Variants in EPS15L1 observed in about 807,000 individuals in gnomAD.
EPS15L1 encodes the protein epidermal growth factor receptor substrate 15-like 1.
In EPS15L1, 43 loss-of-function variants were observed where a neutral mutation model predicts 117.1. The ratio of observed to expected loss-of-function variants is 0.37; its 90% CI spans 0.29 to 0.47. The LOEUF (loss-of-function observed/expected upper bound fraction) is 0.47. Ranked by LOEUF, EPS15L1 falls within the 20% of genes least tolerant of loss-of-function variation. EPS15L1 has a pLI of 0.99. For missense variants in EPS15L1, 981 were observed against 1,164.0 expected (o/e 0.84, Z 2.29); for synonymous variants, 459 against 470.5 (o/e 0.98, Z 0.32).
At chr19:16,390,687 T>C (rs1166246662) in intron 19 of EPS15L1, among the ~76,000 whole-genome samples, 1 of 152,148 alleles carries the variant, frequency 6.6e-6, no homozygotes. Context: ...AATAGTATTA[T>C]AATATACCTA....
intron 21 of EPS15L1, 134 bp from the exon 22 acceptor site, chr19:16,377,388 G>A: frequency 1.1e-6 from 1 of 951,888 alleles, no homozygotes; most frequent in East Asian, 2.7e-5. Context: ...ACATGGCCCT[G>A]CTTGGACGTG....
At chr19:16,406,109 G>T (rs1036146407) in intron 13 of EPS15L1, among the ~76,000 whole-genome samples, 2 of 152,162 alleles carry the variant, frequency 1.3e-5, no homozygotes, top group Admixed American at 6.5e-5. Context: ...AGCCTGGGCT[G>T]CTGGGGTGGC....
chr19:16,385,788 T>C (rs1186038131), intron 20 of EPS15L1, among the ~76,000 whole-genome samples: 1 of 152,216 alleles, frequency 6.6e-6, no homozygotes. Context: ...CACTGTGAGA[T>C]GAGGTTCCTT....
chr19:16,417,460 A>G lies in EPS15L1; in HGVS notation c.1193+92T>C, dbSNP rs570099356. 3.6e-6 allele frequency: 4 copies of G among 1,119,184 alleles called. No individual in the cohort carries two copies. The South Asian group carries it at 5.2e-5, about 14-fold the overall frequency. The allele number at this position is 1,119,184 out of a possible 1,614,324, so 69.3% of individuals were successfully genotyped here. The stretch of plus-strand genomic sequence containing the variant: ...CTTCTGAATAAACCTGTGATGAGCA[A>G]ACTTCCAGGTGAGCCTCTGATATTT... On this transcript the variant is annotated intron_variant, in intron 12 of 23. Coordinates refer to ENST00000455140, the MANE Select transcript of EPS15L1 (RefSeq NM_001258374.3).
chr19:16,412,039 A>G (rs2092710954), intron 13 of EPS15L1, among the ~76,000 whole-genome samples: 1 of 152,226 alleles, frequency 6.6e-6, no homozygotes, highest in Non-Finnish European at 1.5e-5. Flanking sequence ...TATAATACCT[A>G]ATATAATGTA....
At chr19:16,469,007 G>A (rs1449938353) in intron 1 of EPS15L1, among the ~76,000 whole-genome samples, 10 of 152,102 alleles carry the variant, frequency 6.6e-5, no homozygotes, top group Admixed American at 2.0e-4. Flanking sequence ...GGGACAGAGC[G>A]AGACCCTGTC....
chr19:16,372,657 G>A (rs1370222738), intron 22 of EPS15L1, among the ~76,000 whole-genome samples: 1 of 152,218 alleles, frequency 6.6e-6, no homozygotes, highest in African/African-American at 2.4e-5. Context: ...GTGCCCATAT[G>A]GCAGAAGCCT....
chr19:16,437,868 G>A lies in EPS15L1; in HGVS notation c.214-3C>T, dbSNP rs2092992925. 6.2e-7 allele frequency: 1 copy of A among 1,612,474 alleles called. No homozygotes were observed. Among genetic ancestry groups the A allele is most frequent in the South Asian group, 1.1e-5 (1 of 91,044 alleles). ...AGTCTCAGTGCAACATAGAAACCCTGCAAGTCCAAAGAAAGGGAAGGAGTA... is the reference window on the plus strand; with the variant it reads ...AGTCTCAGTGCAACATAGAAACCCTACAAGTCCAAAGAAAGGGAAGGAGTA... On this transcript the variant is annotated splice_polypyrimidine_tract_variant and splice_region_variant and intron_variant, in intron 4 of 23. Coordinates refer to ENST00000455140, the MANE Select transcript of EPS15L1 (RefSeq NM_001258374.3).
At chr19:16,372,970 A>C (rs2092245585) in intron 22 of EPS15L1, among the ~76,000 whole-genome samples, 11 of 152,188 alleles carry the variant, frequency 7.2e-5, no homozygotes, top group Admixed American at 7.2e-4. Context: ...ATTTCCTGGC[A>C]CAGAGGCCTA....
intron 7 of EPS15L1, among the ~76,000 whole-genome samples, chr19:16,430,245 G>A (rs2092914351): frequency 6.6e-6 from 1 of 152,188 alleles, no homozygotes; most frequent in South Asian, 2.1e-4. Flanking sequence ...CTCCACCACT[G>A]CCCTCACTGG....
At chr19:16,454,828 T>G (rs1055521598) in intron 1 of EPS15L1, among the ~76,000 whole-genome samples, 9 of 151,816 alleles carry the variant, frequency 5.9e-5, no homozygotes, top group African/African-American at 2.2e-4. Flanking sequence ...TCTTTTTTTT[T>G]TTTTTAAGAG....
chr19:16,428,851 GCACT>G, intron 7 of EPS15L1, 90 bp from the exon 8 acceptor site: 1 of 996,064 alleles, frequency 1.0e-6, no homozygotes, highest in South Asian at 1.4e-5. Flanking sequence ...CTCAGCCGTG[GCACT>G]CACTGGGCTC....
In EPS15L1 at chr19:16,394,267, T is replaced by C. The variant is rs538835832; in HGVS notation, c.1916-266A>G. Among the ~76,000 whole-genome samples, 42 of 152,250 alleles carry C rather than the reference T, an allele frequency of 2.8e-4. 1 individual carries two copies. The South Asian group carries it at 8.3e-3, about 30-fold the overall frequency. The stretch of plus-strand genomic sequence containing the variant: ...GCTGGCTGTCCCACACAGACTGGAG[T>C]TGGGGAAGACACAGAGTGGGCTAGA... On this transcript the variant is annotated intron_variant, in intron 17 of 23. Transcript: ENST00000455140.
At chr19:16,375,936 G>A (rs1318781807) in intron 22 of EPS15L1, among the ~76,000 whole-genome samples, 10 of 152,208 alleles carry the variant, frequency 6.6e-5, no homozygotes, top group South Asian at 2.1e-4. Context: ...GTGCAGGACC[G>A]AGGGTCACTC....
chr19:16,424,212 G>T (rs575033636), intron 9 of EPS15L1, among the ~76,000 whole-genome samples: 1 of 152,210 alleles, frequency 6.6e-6, no homozygotes, highest in Non-Finnish European at 1.5e-5. Context: ...TTGCTGGCCT[G>T]GAGATGAGGA....
intron 4 of EPS15L1, among the ~76,000 whole-genome samples, chr19:16,439,315 GAAA>G (rs1045593408): frequency 6.6e-6 from 1 of 152,070 alleles, no homozygotes; most frequent in East Asian, 1.9e-4. Flanking sequence ...AAGAAAAAAA[GAAA>G]AAGGAATTAA....
At chr19:16,368,750 A>C (rs1245457864) in intron 22 of EPS15L1, among the ~76,000 whole-genome samples, 1 of 152,064 alleles carries the variant, frequency 6.6e-6, no homozygotes, top group African/African-American at 2.4e-5. Context: ...GTGATCCCAC[A>C]AAACCATCAT....
intron 16 of EPS15L1, chr19:16,400,665 A>C: frequency 1.0e-6 from 1 of 985,454 alleles, no homozygotes; most frequent in Non-Finnish European, 1.2e-6. Flanking sequence ...CAACAGGATA[A>C]AAACAGTTTT....
rs2092860006 is a variant in EPS15L1, at chr19:16,425,314, G to A, written c.561C>T (p.Ala187=). The change falls in exon 9 of 24, where the codon GCC becomes GCT. Residue 187 remains alanine, a splice_region_variant and synonymous_variant. Coordinates refer to ENST00000455140, the MANE Select transcript of EPS15L1 (RefSeq NM_001258374.3). ...CCAGGGCTCGGTACACCAAGTGCAT[G>A]GCCTGCAGGTGCAAACAACAATGGC... is the stretch of plus-strand genomic sequence containing the variant. ...GHLDRDEFAV[A]MHLVYRALEK... The A allele has an allele frequency of 1.3e-6, 2 of 1,586,304 alleles. No homozygotes were observed. The highest frequency in any genetic ancestry group is 2.3e-5 in the East Asian group (1 of 43,996).
Sources: gnomAD v4.1 joint callset for allele counts (sites outside exome capture counted in the v4.1 genomes callset) on GRCh38, gnomAD v4.1.1 for gene constraint, MANE v1.5 for transcripts, NCBI Gene and HGNC (gene_info 2026-07-23, HGNC 2026-07-21) for gene names.